ATRNL1: variants seen among roughly 807,000 people sequenced by gnomAD.
ATRNL1 encodes attractin like 1.
In ATRNL1, 95 loss-of-function variants were observed where a neutral mutation model predicts 182.7. The ratio of observed to expected loss-of-function variants is 0.52; its 90% CI spans 0.44 to 0.62. The LOEUF (loss-of-function observed/expected upper bound fraction) is 0.62. Ranked by LOEUF, ATRNL1 falls within the 20% of genes least tolerant of loss-of-function variation. The pLI, the probability that ATRNL1 is intolerant of heterozygous loss-of-function variation, is 0.00. For synonymous variants in ATRNL1, 576 were observed against 568.3 expected (o/e 1.01, Z -0.19); for missense variants, 1,471 against 1,679.5 (o/e 0.88, Z 2.17).
At chr10:115,164,425 G>C (rs889915194) in intron 6 of ATRNL1, among the ~76,000 whole-genome samples, 1 of 152,058 alleles carries the variant, frequency 6.6e-6, no homozygotes, top group Non-Finnish European at 1.5e-5. Context: ...CAGTGCGGAG[G>C]TTCCTCAAAC....
intron 20 of ATRNL1, among the ~76,000 whole-genome samples, chr10:115,408,051 C>T (rs1411649703): frequency 1.2e-4 from 16 of 135,392 alleles, no homozygotes; most frequent in South Asian, 4.6e-4. Flanking sequence ...GGCCGGACTG[C>T]GGACTGCAGT....
intron 8 of ATRNL1, among the ~76,000 whole-genome samples, chr10:115,203,753 T>A (rs1051419396): frequency 6.9e-6 from 1 of 144,048 alleles, no homozygotes; most frequent in African/African-American, 2.6e-5. Context: ...CTATTTTTTT[T>A]TTTTTTTTTT....
chr10:115,535,000 T>A (rs1851875666), intron 25 of ATRNL1, among the ~76,000 whole-genome samples: 1 of 152,208 alleles, frequency 6.6e-6, no homozygotes. Context: ...TGGGCTTCCC[T>A]TTGAGGGTAA....
chr10:115,358,330 A>G (rs782137027), intron 19 of ATRNL1, among the ~76,000 whole-genome samples: 8 of 151,686 alleles, frequency 5.3e-5, no homozygotes, highest in Non-Finnish European at 1.0e-4. Flanking sequence ...TTATCTATGA[A>G]GTACATTTAA....
At chr10:115,161,694 T>A (rs1441027947) in intron 6 of ATRNL1, among the ~76,000 whole-genome samples, 1 of 151,864 alleles carries the variant, frequency 6.6e-6, no homozygotes, top group Non-Finnish European at 1.5e-5. Context: ...TTAAGCCAAC[T>A]TTTTTTTGTC....
At chr10:115,713,745 T>TATC (rs1947159583) in intron 26 of ATRNL1, among the ~76,000 whole-genome samples, 1 of 151,968 alleles carries the variant, frequency 6.6e-6, no homozygotes, top group Non-Finnish European at 1.5e-5. Flanking sequence ...TCTATCTATC[T>TATC]ATCTATAGTC....
At chr10:115,393,168 C>T (rs1844115575) in intron 19 of ATRNL1, among the ~76,000 whole-genome samples, 7 of 152,086 alleles carry the variant, frequency 4.6e-5, no homozygotes, top group Admixed American at 4.6e-4. Context: ...TCCAATCTTT[C>T]CCCCTTTCAC....
At chr10:115,304,896 A>AG (rs781861367) in intron 17 of ATRNL1, among the ~76,000 whole-genome samples, 7 of 152,098 alleles carry the variant, frequency 4.6e-5, no homozygotes, top group Non-Finnish European at 1.0e-4. Flanking sequence ...TGGCTCTAAG[A>AG]GCTGGGACTT....
intron 19 of ATRNL1, among the ~76,000 whole-genome samples, chr10:115,340,476 C>CTTTTTTTTTTTT (rs1430940795): frequency 5.3e-5 from 5 of 95,124 alleles, no homozygotes; most frequent in East Asian, 2.9e-4. Context: ...CTTTTCTTTT[C>CTTTTTTTTTTTT]TTTTTTTTTT....
chr10:115,712,453 T>C (rs1286688032), intron 26 of ATRNL1, among the ~76,000 whole-genome samples: 1 of 152,286 alleles, frequency 6.6e-6, no homozygotes, highest in African/African-American at 2.4e-5. Context: ...CTATAAAAGT[T>C]GTCCAGAATT....
intron 19 of ATRNL1, among the ~76,000 whole-genome samples, chr10:115,350,830 G>A (rs1554941093): frequency 6.6e-6 from 1 of 151,928 alleles, no homozygotes. Context: ...TTGATAAGGA[G>A]TGCATTTAAT....
At chr10:115,822,243 C>T (rs1456654092) in intron 27 of ATRNL1, among the ~76,000 whole-genome samples, 2 of 152,072 alleles carry the variant, frequency 1.3e-5, no homozygotes, top group African/African-American at 4.8e-5. Flanking sequence ...AGAACAAGAA[C>T]ACAACACACC....
At position 115,832,180 on chromosome 10, in the gene ATRNL1, T is replaced by C. The variant is rs551840839; in HGVS notation, c.3904-15697T>C. ...TAGTTTCTGTAGAAAGGGGAACTTTTCAAATTAAAACTGTAGTCTGGGTCA... is the reference window on the plus strand; with the variant it reads ...TAGTTTCTGTAGAAAGGGGAACTTTCCAAATTAAAACTGTAGTCTGGGTCA... On this transcript the variant is annotated intron_variant, in intron 27 of 28. Coordinates refer to ENST00000355044, the MANE Select transcript of ATRNL1 (RefSeq NM_207303.4). Among the ~76,000 whole-genome samples the C allele has an allele frequency of 3.3e-5, 5 of 152,286 alleles. No individual in the cohort carries two copies. The East Asian group carries it at 9.7e-4, about 29-fold the overall frequency.
chr10:115,309,791 G>A, intron 17 of ATRNL1, among the ~76,000 whole-genome samples: 1 of 151,492 alleles, frequency 6.6e-6, no homozygotes, highest in Non-Finnish European at 1.5e-5. Flanking sequence ...TCATATCATT[G>A]GCAAAAAAGG....
intron 21 of ATRNL1, among the ~76,000 whole-genome samples, chr10:115,435,990 T>G (rs902425886): frequency 6.6e-6 from 1 of 152,166 alleles, no homozygotes; most frequent in African/African-American, 2.4e-5. Flanking sequence ...TACATTTATT[T>G]TAGCTGTATG....
chr10:115,385,249 A>G (rs192067525), intron 19 of ATRNL1, among the ~76,000 whole-genome samples: 100 of 152,162 alleles, frequency 6.6e-4, no homozygotes, highest in South Asian at 1.5e-3. Flanking sequence ...CCATTATAGT[A>G]TGTGTTTGAT....
chr10:115,519,731 A>G (rs1315515151), intron 25 of ATRNL1, among the ~76,000 whole-genome samples: 2 of 152,192 alleles, frequency 1.3e-5, no homozygotes, highest in African/African-American at 2.4e-5. Flanking sequence ...GTTCATAAAA[A>G]GGGCTCCACA....
At chr10:115,119,950 A>T (rs1844654996) in intron 1 of ATRNL1, among the ~76,000 whole-genome samples, 1 of 152,208 alleles carries the variant, frequency 6.6e-6, no homozygotes, top group East Asian at 1.9e-4. Context: ...TTCGCTTCGT[A>T]AATTGAAATG....
chr10:115,809,336 A>G (rs1004041920), intron 27 of ATRNL1, among the ~76,000 whole-genome samples: 1 of 152,008 alleles, frequency 6.6e-6, no homozygotes, highest in Non-Finnish European at 1.5e-5. Flanking sequence ...TAAATTTTAG[A>G]ATCAACTTTT....
Sources: gnomAD v4.1 joint callset for allele counts (sites outside exome capture counted in the v4.1 genomes callset) on GRCh38, gnomAD v4.1.1 for gene constraint, MANE v1.5 for transcripts, NCBI Gene and HGNC (gene_info 2026-07-23, HGNC 2026-07-21) for gene names.